The following NALCN variants were observed in gnomAD, a reference collection of about 807,000 sequenced individuals.
NALCN encodes the protein sodium leak channel NALCN.
NALCN carries 111 observed loss-of-function variants against 225.3 expected under a neutral mutation model. That is an observed-to-expected ratio of 0.49 (90% CI 0.42 to 0.58). The LOEUF (loss-of-function observed/expected upper bound fraction) is 0.58. NALCN is among the 20% of genes least tolerant of loss of function. The pLI is 0.00. For synonymous variants in NALCN, 764 were observed against 769.0 expected (o/e 0.99, Z 0.11); for missense variants, 1,378 against 2,202.4 (o/e 0.63, Z 7.49).
chr13:101,405,014 G>A (rs2047576468), intron 1 of NALCN, among the ~76,000 whole-genome samples: 2 of 152,248 alleles, frequency 1.3e-5, no homozygotes, highest in South Asian at 4.2e-4. Flanking sequence ...GTTAATGTAG[G>A]CATTACAATA....
At chr13:101,278,392 G>A (rs1300901514) in intron 10 of NALCN, among the ~76,000 whole-genome samples, 2 of 151,734 alleles carry the variant, frequency 1.3e-5, no homozygotes, top group African/African-American at 4.8e-5. Flanking sequence ...GCGTGGTGGC[G>A]CATGCCTGTA....
intron 34 of NALCN, among the ~76,000 whole-genome samples, chr13:101,080,456 AATT>A (rs935673930): frequency 8.3e-4 from 124 of 149,784 alleles, no homozygotes; most frequent in Non-Finnish European, 1.2e-3. Context: ...TAGAAAATAT[AATT>A]ATTAAATTGT....
intron 39 of NALCN, 84 bp from the exon 40 acceptor site, chr13:101,065,645 T>C (rs2032319937): frequency 1.3e-6 from 2 of 1,497,394 alleles, no homozygotes; most frequent in African/African-American, 2.8e-5. Flanking sequence ...AAAAAGGTGC[T>C]ATTTCTCAAA....
intron 7 of NALCN, among the ~76,000 whole-genome samples, chr13:101,314,293 C>G (rs1373358910): frequency 4.0e-5 from 6 of 151,656 alleles, no homozygotes; most frequent in Non-Finnish European, 1.5e-5. Context: ...CACATGTACC[C>G]TAAAACTTAA....
chr13:101,324,570 GCTCT>G (rs369738231), intron 7 of NALCN, among the ~76,000 whole-genome samples: 4 of 152,022 alleles, frequency 2.6e-5, no homozygotes, highest in African/African-American at 9.7e-5. Context: ...TCATGATTTG[GCTCT>G]CTGTCTGTTA....
In NALCN at chr13:101,192,034, C is replaced by A; in HGVS notation, c.1647G>T (p.Gln549His). 1.3e-6 allele frequency: 2 copies of A among 1,598,770 alleles called. No individual in the cohort carries two copies. The highest frequency in any genetic ancestry group is 8.5e-7 in the Non-Finnish European group (1 of 1,175,666). Residue 549 changes from glutamine (Q) to histidine (H), a missense_variant, in exon 14 of 44, where the codon CAG (glutamine) becomes CAT (histidine). By Grantham distance (24) the Gln-to-His change is conservative. Transcript: ENST00000251127. Reference protein sequence around the residue: ...TFPRAFMSMFQILTQEGWVDV... With the variant: ...TFPRAFMSMFHILTQEGWVDV... ...CCACCCATCCTTCCTGGGTGAGGATCTGGAACATGGACATAAATGCCTAAG... is the reference window on the plus strand; with the variant it reads ...CCACCCATCCTTCCTGGGTGAGGATATGGAACATGGACATAAATGCCTAAG...
At chr13:101,081,752 A>C in intron 33 of NALCN, 106 bp from the exon 34 acceptor site, 1 of 1,362,994 alleles carries the variant, frequency 7.3e-7, no homozygotes, top group Non-Finnish European at 9.9e-7. Flanking sequence ...CAAATGAAGA[A>C]AATTTTAAAT....
chr13:101,340,802 T>C (rs1226752428), intron 7 of NALCN, among the ~76,000 whole-genome samples: 1 of 152,170 alleles, frequency 6.6e-6, no homozygotes, highest in South Asian at 2.1e-4. Flanking sequence ...TTAAAAAATA[T>C]ACTGTTTGTT....
intron 14 of NALCN, chr13:101,181,091 C>T (rs2139961359): frequency 1.9e-6 from 1 of 518,942 alleles, no homozygotes; most frequent in Admixed American, 1.9e-5. Flanking sequence ...TTTCCGAACA[C>T]TACTTATCGA....
chr13:101,085,686 T>G (rs2033895758), intron 30 of NALCN, among the ~76,000 whole-genome samples: 1 of 152,302 alleles, frequency 6.6e-6, no homozygotes, highest in South Asian at 2.1e-4. Context: ...AATTATGCGC[T>G]GATTAAAAAT....
At chr13:101,269,817 A>T (rs1037862857) in intron 10 of NALCN, among the ~76,000 whole-genome samples, 2 of 152,158 alleles carry the variant, frequency 1.3e-5, no homozygotes, top group Non-Finnish European at 2.9e-5. Context: ...TGACCCTCTG[A>T]TTCTGACATA....
At chr13:101,407,592 T>C (rs2047660098) in intron 1 of NALCN, among the ~76,000 whole-genome samples, 1 of 152,246 alleles carries the variant, frequency 6.6e-6, no homozygotes, top group Non-Finnish European at 1.5e-5. Flanking sequence ...TGCCAGGCAC[T>C]ATTCTAAGCA....
intron 18 of NALCN, among the ~76,000 whole-genome samples, chr13:101,115,828 T>C (rs1247360194): frequency 6.6e-6 from 1 of 152,174 alleles, no homozygotes; most frequent in East Asian, 1.9e-4. Flanking sequence ...ACATCTTCCC[T>C]AGATCTTTTC....
chr13:101,326,813 G>T (rs948831194), intron 7 of NALCN, among the ~76,000 whole-genome samples: 3 of 152,174 alleles, frequency 2.0e-5, no homozygotes, highest in Non-Finnish European at 4.4e-5. Flanking sequence ...TCTCAGCTGG[G>T]TCTAACAGGG....
At chr13:101,149,605 TACAAAGA>T (rs1335672588) in intron 15 of NALCN, among the ~76,000 whole-genome samples, 1 of 152,334 alleles carries the variant, frequency 6.6e-6, no homozygotes, top group East Asian at 1.9e-4. Flanking sequence ...GCTGTGAAAC[TACAAAGA>T]ACAGACGGGA....
chr13:101,333,838 C>T (rs1218060349), intron 7 of NALCN, among the ~76,000 whole-genome samples: 1 of 152,212 alleles, frequency 6.6e-6, no homozygotes, highest in African/African-American at 2.4e-5. Flanking sequence ...TGTCCATACA[C>T]GATTTCCATG....
intron 15 of NALCN, among the ~76,000 whole-genome samples, chr13:101,151,110 G>A (rs1318812): frequency 0.79 from 120,074 of 152,134 alleles, 47,804 homozygotes; most frequent in East Asian, 0.99. Flanking sequence ...ACTAGAAGTC[G>A]TCTAAGCTCA....
chr13:101,275,231 CA>C (rs1487806097), intron 10 of NALCN, among the ~76,000 whole-genome samples: 1 of 152,100 alleles, frequency 6.6e-6, no homozygotes, highest in Non-Finnish European at 1.5e-5. Flanking sequence ...CAGTCACAAT[CA>C]GCCATACTTG....
chr13:101,350,738 A>G (rs2045884377), intron 6 of NALCN, among the ~76,000 whole-genome samples: 1 of 152,050 alleles, frequency 6.6e-6, no homozygotes, highest in Non-Finnish European at 1.5e-5. Flanking sequence ...AAATTGATAG[A>G]CTTTGAGTAA....
Sources: allele counts gnomAD v4.1 joint callset (sites outside exome capture counted in the v4.1 genomes callset), GRCh38; gene constraint gnomAD v4.1.1; transcripts MANE v1.5; gene names NCBI Gene and HGNC (gene_info 2026-07-23, HGNC 2026-07-21).